Variants in SHISAL1 observed in about 807,000 individuals in gnomAD.
SHISAL1 encodes the protein shisa like 1, also known as protein shisa-like-1.
SHISAL1 carries 9 observed loss-of-function variants against 22.6 expected under a neutral mutation model. The ratio of observed to expected loss-of-function variants is 0.40; its 90% CI spans 0.24 to 0.70. The LOEUF (loss-of-function observed/expected upper bound fraction) is 0.70. SHISAL1 is among the 30% of genes least tolerant of loss of function. SHISAL1 has a pLI of 0.39. For missense variants in SHISAL1, 246 were observed against 270.6 expected (o/e 0.91, Z 0.64); for synonymous variants, 119 against 115.4 (o/e 1.03, Z -0.20).
chr22:44,294,493 GC>G (rs1227598171), intron 3 of SHISAL1, among the ~76,000 whole-genome samples: 1 of 152,136 alleles, frequency 6.6e-6, no homozygotes, highest in African/African-American at 2.4e-5. Context: ...AAATACATCT[GC>G]CCCAAAACTC....
chr22:44,309,421 A>G (rs904412843), intron 1 of SHISAL1, among the ~76,000 whole-genome samples: 5 of 152,118 alleles, frequency 3.3e-5, no homozygotes, highest in African/African-American at 1.2e-4. Context: ...AAGGGCAGGA[A>G]GTACAGACGA....
At chr22:44,323,681 AT>A in the SHISAL1 span, among the ~76,000 whole-genome samples, 1,411 of 150,502 alleles carry the variant, frequency 9.4e-3, 23 homozygotes, top group African/African-American at 0.033. Context: ...CCATCCATCC[AT>A]CCATCCATCT....
Position 44,272,602 on chromosome 22 carries a change from T to C in SHISAL1, c.599+12826A>G, listed in dbSNP as rs191068063. On this transcript the variant is annotated intron_variant, in intron 4 of 4. Coordinates refer to ENST00000381176, the MANE Select transcript of SHISAL1 (RefSeq NM_001099294.2). ...GCTTTGAAAGAGGATGCCCAAGACG[T>C]TTCCTTGGGGGGGACTAAATACCCA... Among the ~76,000 whole-genome samples, 6 of 152,272 alleles carry C rather than the reference T, an allele frequency of 3.9e-5. No individual in the cohort carries two copies. In the East Asian group the frequency reaches 1.2e-3, roughly 29 times the overall value.
intron 3 of SHISAL1, among the ~76,000 whole-genome samples, chr22:44,287,330 G>C (rs756455245): frequency 6.6e-6 from 1 of 152,172 alleles, no homozygotes; most frequent in Non-Finnish European, 1.5e-5. Context: ...GCCCAGGGCC[G>C]GGGAAGCTCG....
intron 4 of SHISAL1, among the ~76,000 whole-genome samples, chr22:44,249,979 AG>A (rs2055035987): frequency 6.6e-6 from 1 of 152,256 alleles, no homozygotes; most frequent in Non-Finnish European, 1.5e-5. Flanking sequence ...TAACTTACAT[AG>A]AAAATTTAAC....
chr22:44,330,493 A>G, the SHISAL1 span, among the ~76,000 whole-genome samples: 1 of 152,178 alleles, frequency 6.6e-6, no homozygotes. Context: ...CCCGCAGATT[A>G]CATAACTCCC....
chr22:44,326,310 G>A, the SHISAL1 span, among the ~76,000 whole-genome samples: 2 of 152,144 alleles, frequency 1.3e-5, no homozygotes, highest in African/African-American at 4.8e-5. Flanking sequence ...CCCATCAGGC[G>A]ACAACGAGGA....
upstream of SHISAL1, among the ~76,000 whole-genome samples, chr22:44,316,012 C>A (rs1024827631): frequency 6.6e-6 from 1 of 152,152 alleles, no homozygotes; most frequent in Non-Finnish European, 1.5e-5. Context: ...GCAATGATAA[C>A]CCCCCAGGGG....
chr22:44,269,287 A>C (rs539892560), intron 4 of SHISAL1, among the ~76,000 whole-genome samples: 1 of 143,666 alleles, frequency 7.0e-6, no homozygotes, highest in African/African-American at 2.5e-5. Context: ...ACACATACAC[A>C]CACCCCATGC....
intron 2 of SHISAL1, among the ~76,000 whole-genome samples, chr22:44,297,435 G>A (rs868144717): frequency 6.6e-6 from 1 of 152,216 alleles, no homozygotes; most frequent in South Asian, 2.1e-4. Flanking sequence ...AGGCTGGCCC[G>A]GGTGGTGGCT....
At chr22:44,296,537 C>A in intron 3 of SHISAL1, 135 bp downstream of exon 3, 1 of 710,204 alleles carries the variant, frequency 1.4e-6, no homozygotes, top group Non-Finnish European at 2.4e-6. Context: ...TCCAAAGACT[C>A]TCCCAGACTC....
chr22:44,286,046 G>C (rs977890013), intron 3 of SHISAL1, among the ~76,000 whole-genome samples: 7 of 152,202 alleles, frequency 4.6e-5, no homozygotes, highest in African/African-American at 1.7e-4. Flanking sequence ...GGGGAATTCT[G>C]AGCTGGCATC....
rs750121345 is a variant in SHISAL1 at position 44,245,647 on chromosome 22, C to T, written c.*4038G>A. 1 of 152,620 alleles carries T rather than the reference C, an allele frequency of 6.6e-6. No individual in the cohort carries two copies. The highest frequency in any genetic ancestry group is 6.5e-5 in the Admixed American group (1 of 15,282). 9.5% of individuals were successfully genotyped at this position (152,620 alleles called of 1,614,324 possible). A position where few individuals can be genotyped will look rare whatever the true frequency, so the allele number is the denominator to read the frequency against. The stretch of plus-strand genomic sequence containing the variant: ...GGGGATGGCAGCTGGAATCCTGAGC[C>T]AACCTGGACAGCGGCCTGTGGGGGA... On this transcript the variant is annotated 3_prime_UTR_variant, in exon 5 of 5. Transcript: ENST00000381176.
Position 44,245,408 on chromosome 22 carries a change from G to C in SHISAL1, c.*4277C>G, listed in dbSNP as rs1189162356. On this transcript the variant is annotated 3_prime_UTR_variant, in exon 5 of 5. Coordinates refer to ENST00000381176, the MANE Select transcript of SHISAL1 (RefSeq NM_001099294.2). ...CAGCTCACTGCAAGCTCTGCCTTCT[G>C]GGTTCATGTTATGTTAATTTCAAAC... 6.6e-6 allele frequency: 1 copy of C among 152,248 alleles called. No individual in the cohort carries two copies. The highest frequency in any genetic ancestry group is 1.5e-5 in the Non-Finnish European group (1 of 68,088). The allele number at this position is 152,248 out of a possible 1,614,324, so 9.4% of individuals were successfully genotyped here. A position where few individuals can be genotyped will look rare whatever the true frequency, so the allele number is the denominator to read the frequency against.
At chr22:44,266,468 T>G (rs1264673195) in intron 4 of SHISAL1, among the ~76,000 whole-genome samples, 9 of 111,222 alleles carry the variant, frequency 8.1e-5, no homozygotes, top group Non-Finnish European at 1.4e-4. Context: ...GTGTGTGTGT[T>G]GGGCTGTGTG....
the SHISAL1 span, among the ~76,000 whole-genome samples, chr22:44,319,461 G>GAAACCAC: frequency 6.6e-6 from 1 of 152,212 alleles, no homozygotes; most frequent in Non-Finnish European, 1.5e-5. Context: ...TCCCTGAAAT[G>GAAACCAC]AAACCACTTC....
At chr22:44,251,512 C>T (rs182320085) in intron 4 of SHISAL1, among the ~76,000 whole-genome samples, 40 of 152,260 alleles carry the variant, frequency 2.6e-4, no homozygotes, top group Admixed American at 7.2e-4. Context: ...TCCATTTTCA[C>T]GCTGCTAATA....
rs546640216 is a variant in SHISAL1, at chr22:44,290,529, C to CAAAAAAAAAAAAAA, written c.282-4798_282-4785dup. On this transcript the variant is annotated intron_variant, in intron 3 of 4. Coordinates refer to ENST00000381176, the MANE Select transcript of SHISAL1 (RefSeq NM_001099294.2). ...GGGCAACAAGAGGGAAACTCAGTCTCAAAAAAAAAAAAAAACAAAAAACGG... is the reference window on the plus strand; with the variant it reads ...GGGCAACAAGAGGGAAACTCAGTCTCAAAAAAAAAAAAAAAAAAAAAAAAAAAAACAAAAAACGG... Among the ~76,000 whole-genome samples the CAAAAAAAAAAAAAA allele has an allele frequency of 3.8e-4, 32 of 84,272 alleles. 2 individuals carry two copies. Among genetic ancestry groups the CAAAAAAAAAAAAAA allele is most frequent in the African/African-American group, 1.3e-3 (27 of 21,276 alleles). 55.3% of individuals were successfully genotyped at this position (84,272 alleles called of 152,430 possible). A position where few individuals can be genotyped will look rare whatever the true frequency, so the allele number is the denominator to read the frequency against.
upstream of SHISAL1, among the ~76,000 whole-genome samples, chr22:44,313,680 C>A (rs772977759): frequency 2.0e-5 from 3 of 152,164 alleles, no homozygotes; most frequent in Non-Finnish European, 2.9e-5. Context: ...CAGGCACCCC[C>A]CCAGCCCATG....
Sources: allele counts gnomAD v4.1 joint callset (sites outside exome capture counted in the v4.1 genomes callset), GRCh38; gene constraint gnomAD v4.1.1; transcripts MANE v1.5; gene names NCBI Gene and HGNC (gene_info 2026-07-23, HGNC 2026-07-21).